CDKL5: variants seen among roughly 807,000 people sequenced by gnomAD.
CDKL5 encodes the protein cyclin dependent kinase like 5, also known as cyclin-dependent kinase-like 5.
CDKL5 carries 8 observed loss-of-function variants against 61.7 expected under a neutral mutation model. The observed-to-expected ratio is 0.13, with a 90% CI of 0.08 to 0.23. The LOEUF is 0.23. CDKL5 is among the 10% of genes least tolerant of loss of function. The probability of loss-of-function intolerance (pLI) is 1.00; values close to 1 mark genes in which losing one functional copy is unlikely to be tolerated. For synonymous variants in CDKL5, 275 were observed against 272.3 expected (o/e 1.01, Z -0.10); for missense variants, 440 against 734.5 (o/e 0.60, Z 4.63).
chrX:18,607,857 A>G (rs1207000690), intron 12 of CDKL5, among the ~76,000 whole-genome samples: 2 of 112,179 alleles, frequency 1.8e-5, no homozygotes, highest in Non-Finnish European at 3.8e-5. Flanking sequence ...AATAGAAAGA[A>G]GGAAGGCTAT....
At chrX:18,446,101 T>C (rs1479902349) in intron 1 of CDKL5, among the ~76,000 whole-genome samples, 1 of 106,664 alleles carries the variant, frequency 9.4e-6, no homozygotes, top group Non-Finnish European at 1.9e-5. Context: ...CCCAGCACTT[T>C]GGGAGGCCGA....
chrX:18,575,824 T>C (rs1206530335), intron 5 of CDKL5, among the ~76,000 whole-genome samples: 1 of 111,802 alleles, frequency 8.9e-6, no homozygotes, highest in Non-Finnish European at 1.9e-5. Context: ...ACAGTGATGG[T>C]ACAGGCTGGA....
At chrX:18,648,204 C>T (rs1204329200) in intron 20 of CDKL5, among the ~76,000 whole-genome samples, 1 of 110,619 alleles carries the variant, frequency 9.0e-6, no homozygotes, top group Non-Finnish European at 1.9e-5. Context: ...TCAGAGGCTG[C>T]CAATTTTCAA....
At chrX:18,647,379 A>G (rs1210958228) in intron 20 of CDKL5, 3 of 1,179,992 alleles carry the variant, frequency 2.5e-6, no homozygotes, top group Non-Finnish European at 3.5e-6. Flanking sequence ...TCAATACTCA[A>G]CAAGCACCAG....
At chrX:18,477,265 C>T (rs2147069180) in intron 1 of CDKL5, among the ~76,000 whole-genome samples, 1 of 109,604 alleles carries the variant, frequency 9.1e-6, no homozygotes, top group Admixed American at 9.9e-5. Flanking sequence ...TGGTGTTTTG[C>T]CATGTTGGCC....
intron 1 of CDKL5, among the ~76,000 whole-genome samples, chrX:18,502,817 A>G (rs1425241398): frequency 2.7e-5 from 3 of 111,942 alleles, no homozygotes; most frequent in Non-Finnish European, 5.6e-5. Context: ...CTCAAAGCCT[A>G]GTGCTCTTGT....
chrX:18,557,648 A>C (rs1164057993), intron 3 of CDKL5, among the ~76,000 whole-genome samples: 1 of 112,619 alleles, frequency 8.9e-6, no homozygotes, highest in Non-Finnish European at 1.9e-5. Context: ...TGATCAGTTT[A>C]AAGACTTCAC....
Position 18,638,052 on chromosome X carries a change from C to T in CDKL5, c.*9295C>T, listed in dbSNP as rs1483190739. On this transcript the variant is annotated 3_prime_UTR_variant, in exon 18 of 18. Coordinates refer to ENST00000623535, the MANE Select transcript of CDKL5 (RefSeq NM_001323289.2). ...CCTTGTAAGCTGTTTGTCAGTGGGC[C>T]TTAGCAACCAAGCCCCAAGTGGACA... The T allele has an allele frequency of 9.0e-6, 1 of 111,411 alleles. No individual in the cohort carries two copies. Among genetic ancestry groups the T allele is most frequent in the Non-Finnish European group, 1.9e-5 (1 of 53,096 alleles). 9.2% of individuals were successfully genotyped at this position (111,411 alleles called of 1,213,427 possible).
intron 15 of CDKL5, among the ~76,000 whole-genome samples, chrX:18,615,041 G>A (rs965674743): frequency 8.9e-6 from 1 of 112,180 alleles, no homozygotes; most frequent in Non-Finnish European, 1.9e-5. Flanking sequence ...GATATGTACA[G>A]AAACCTAAAA....
chrX:18,612,440 A>G (rs904822453), intron 14 of CDKL5, among the ~76,000 whole-genome samples: 1 of 110,506 alleles, frequency 9.0e-6, no homozygotes. Context: ...GGCTGAAGTG[A>G]GCAGATCACT....
intron 3 of CDKL5, among the ~76,000 whole-genome samples, chrX:18,545,189 T>G (rs1053275515): frequency 6.3e-4 from 69 of 110,297 alleles, no homozygotes; most frequent in Non-Finnish European, 1.2e-3. Context: ...TGAGCCATGA[T>G]CGAGCCACTG....
chrX:18,652,489 T>C (rs1400092123), intron 21 of CDKL5, among the ~76,000 whole-genome samples: 1 of 111,438 alleles, frequency 9.0e-6, no homozygotes, highest in Non-Finnish European at 1.9e-5. Context: ...GCCAACACGG[T>C]GAAACCCCAT....
chrX:18,430,474 C>T (rs1050360246), intron 1 of CDKL5, among the ~76,000 whole-genome samples: 1 of 111,657 alleles, frequency 9.0e-6, no homozygotes, highest in Non-Finnish European at 1.9e-5. Flanking sequence ...GATGGAGTCT[C>T]GCTCTGTTGC....
chrX:18,629,659 C>T lies in CDKL5; in HGVS notation c.*902C>T. ...TGAGGCCCCAGCAGTAGCCTCTAGA[C>T]ATGATCCTTGGTAGCAGACGAGATG... On this transcript the variant is annotated 3_prime_UTR_variant, in exon 18 of 18. Coordinates refer to ENST00000623535, the MANE Select transcript of CDKL5 (RefSeq NM_001323289.2). 1.3e-6 allele frequency: 1 copy of T among 752,197 alleles called. No individual in the cohort carries two copies. The highest frequency in any genetic ancestry group is 1.5e-4 in the East Asian group (1 of 6,565). 62.0% of individuals were successfully genotyped at this position (752,197 alleles called of 1,213,427 possible). A position where few individuals can be genotyped will look rare whatever the true frequency, so the allele number is the denominator to read the frequency against.
chrX:18,567,148 G>C (rs1156523476), intron 4 of CDKL5, among the ~76,000 whole-genome samples: 1 of 111,434 alleles, frequency 9.0e-6, no homozygotes. Context: ...GTAGTGTCTT[G>C]CTTAATGGAA....
At chrX:18,615,769 T>C (rs1045538972) in intron 15 of CDKL5, among the ~76,000 whole-genome samples, 2 of 112,260 alleles carry the variant, frequency 1.8e-5, no homozygotes, top group African/African-American at 6.5e-5. Flanking sequence ...TGTTTTTCCT[T>C]GGTAGTTGTA....
chrX:18,467,830 A>C lies in CDKL5; in HGVS notation c.-162-39105A>C, dbSNP rs184791755. Among the ~76,000 whole-genome samples, 437 of 112,108 alleles carry C rather than the reference A, an allele frequency of 3.9e-3. 4 individuals are homozygous for C. Among genetic ancestry groups the C allele is most frequent in the African/African-American group, 0.013 (413 of 30,911 alleles). On this transcript the variant is annotated intron_variant, in intron 1 of 17. Transcript: ENST00000623535. Reference sequence around the variant, plus strand: ...AAGGGAGTGGGCAAGCAAAAGCTGTAATTGTAATTAGTGTTGTGGAAGGAG... The same window carrying C: ...AAGGGAGTGGGCAAGCAAAAGCTGTCATTGTAATTAGTGTTGTGGAAGGAG...
chrX:18,507,320 T>C, intron 2 of CDKL5, among the ~76,000 whole-genome samples, 160 bp downstream of exon 2: 1 of 111,537 alleles, frequency 9.0e-6, no homozygotes. Context: ...CTTAAACAAT[T>C]TGGGTCTCAC....
chrX:18,545,493 T>C (rs1469547129), intron 3 of CDKL5, among the ~76,000 whole-genome samples: 4 of 112,174 alleles, frequency 3.6e-5, no homozygotes, highest in Non-Finnish European at 5.6e-5. Context: ...TTAAATTCTA[T>C]AGGGACTTAA....
Sources: allele counts gnomAD v4.1 joint callset (sites outside exome capture counted in the v4.1 genomes callset), GRCh38; gene constraint gnomAD v4.1.1; transcripts MANE v1.5; gene names NCBI Gene and HGNC (gene_info 2026-07-23, HGNC 2026-07-21).